Variants in PPFIBP1 observed in about 807,000 individuals in gnomAD.
PPFIBP1 encodes liprin-beta-1.
A neutral mutation model predicts 137.8 loss-of-function variants in PPFIBP1; 112 were observed. The observed-to-expected ratio is 0.81, with a 90% confidence interval of 0.70 to 0.95. The LOEUF is 0.95. Among genes scored for constraint, PPFIBP1 ranks in the 40% least tolerant of loss-of-function variants. The probability of loss-of-function intolerance (pLI) is 0.00; values close to 1 mark genes in which losing one functional copy is unlikely to be tolerated. For synonymous variants in PPFIBP1, 378 were observed against 417.3 expected (o/e 0.91, Z 1.15); for missense variants, 1,083 against 1,196.6 (o/e 0.91, Z 1.40).
intron 10 of PPFIBP1, among the ~76,000 whole-genome samples, chr12:27,660,140 C>T (rs1463550628): frequency 2.0e-5 from 3 of 152,154 alleles, no homozygotes; most frequent in Admixed American, 1.3e-4. Flanking sequence ...AGTCCTCCCA[C>T]CTTGGCCTCC....
intron 7 of PPFIBP1, among the ~76,000 whole-genome samples, chr12:27,653,586 TAAAAAAAAA>T (rs11306083): frequency 9.3e-6 from 1 of 107,602 alleles, no homozygotes; most frequent in Non-Finnish European, 1.8e-5. Context: ...GACTCCATCT[TAAAAAAAAA>T]AAAAAAAAAA....
chr12:27,627,294 GA>G (rs1168757548), intron 2 of PPFIBP1, among the ~76,000 whole-genome samples: 4 of 151,636 alleles, frequency 2.6e-5, no homozygotes, highest in South Asian at 2.1e-4. Context: ...CTTCTTGGCA[GA>G]AAAAAAATAA....
chr12:27,526,201 G>A (rs1478717387), intron 1 of PPFIBP1, among the ~76,000 whole-genome samples: 2 of 152,210 alleles, frequency 1.3e-5, no homozygotes, highest in Admixed American at 1.3e-4. Context: ...AAAAGATGGG[G>A]CTGCAAAAGC....
At chr12:27,567,688 G>A (rs1199457917) in intron 1 of PPFIBP1, among the ~76,000 whole-genome samples, 1 of 151,870 alleles carries the variant, frequency 6.6e-6, no homozygotes, top group African/African-American at 2.4e-5. Flanking sequence ...CATAATGAAA[G>A]TTTCAGGAAA....
At chr12:27,566,711 G>A (rs1271857289) in intron 1 of PPFIBP1, among the ~76,000 whole-genome samples, 2 of 152,138 alleles carry the variant, frequency 1.3e-5, no homozygotes, top group Non-Finnish European at 2.9e-5. Flanking sequence ...CAGTAAGTGG[G>A]AATTATGGAA....
intron 1 of PPFIBP1, among the ~76,000 whole-genome samples, chr12:27,559,183 T>C (rs2048956213): frequency 6.6e-6 from 1 of 151,920 alleles, no homozygotes; most frequent in Non-Finnish European, 1.5e-5. Context: ...TAGTGATTTT[T>C]TTTTTTTAGA....
At chr12:27,528,520 C>T (rs1376391453) in intron 1 of PPFIBP1, among the ~76,000 whole-genome samples, 4 of 152,130 alleles carry the variant, frequency 2.6e-5, no homozygotes, top group Non-Finnish European at 2.9e-5. Context: ...ATTGATGCTG[C>T]GTTAAATGGA....
chr12:27,527,834 C>G (rs1943950759), intron 1 of PPFIBP1, among the ~76,000 whole-genome samples: 1 of 151,902 alleles, frequency 6.6e-6, no homozygotes, highest in African/African-American at 2.4e-5. Flanking sequence ...ATAATCATAA[C>G]TATCATGATT....
chr12:27,673,091 C>T (rs978706191), intron 15 of PPFIBP1, among the ~76,000 whole-genome samples: 1 of 152,146 alleles, frequency 6.6e-6, no homozygotes, highest in Non-Finnish European at 1.5e-5. Context: ...TATTCTGTTT[C>T]GTAGAGGCAA....
At chr12:27,676,322 T>A (rs2060508441) in intron 17 of PPFIBP1, 106 bp from the exon 18 acceptor site, 6 of 872,322 alleles carry the variant, frequency 6.9e-6, no homozygotes. Flanking sequence ...GTTATTCTTT[T>A]GAATAAACTC....
intron 7 of PPFIBP1, among the ~76,000 whole-genome samples, chr12:27,651,092 A>G (rs1293357056): frequency 1.3e-5 from 2 of 152,164 alleles, no homozygotes; most frequent in South Asian, 2.1e-4. Flanking sequence ...GCATGATACC[A>G]GGCATTACAT....
intron 24 of PPFIBP1, among the ~76,000 whole-genome samples, chr12:27,686,556 TG>T (rs1462214966): frequency 6.6e-6 from 1 of 152,218 alleles, no homozygotes; most frequent in African/African-American, 2.4e-5. Context: ...TTGCACTGAT[TG>T]ATTATAGTTG....
intron 1 of PPFIBP1, chr12:27,548,010 T>C (rs1427309037): frequency 1.3e-5 from 2 of 152,172 alleles, no homozygotes; most frequent in Non-Finnish European, 2.9e-5. Flanking sequence ...TATGGAAAGT[T>C]AGAAAGTCTG....
chr12:27,524,447 C>T (rs559357217), intron 1 of PPFIBP1, 82 bp downstream of exon 1: 1 of 152,118 alleles, frequency 6.6e-6, no homozygotes, highest in South Asian at 2.1e-4. Flanking sequence ...AGCTGCTCCT[C>T]CTCTTCCCCG....
At chr12:27,635,181 A>G in intron 4 of PPFIBP1, 66 bp downstream of exon 4, 1 of 1,497,946 alleles carries the variant, frequency 6.7e-7, no homozygotes, top group Non-Finnish European at 9.3e-7. Context: ...TTTAGAACAT[A>G]GAATAGCTGA....
At chr12:27,571,091 T>A (rs1388155621) in intron 1 of PPFIBP1, among the ~76,000 whole-genome samples, 1 of 152,152 alleles carries the variant, frequency 6.6e-6, no homozygotes, top group Non-Finnish European at 1.5e-5. Flanking sequence ...TTTATGTGTG[T>A]GTATATTTAT....
intron 10 of PPFIBP1, among the ~76,000 whole-genome samples, chr12:27,659,093 C>T (rs1321409328): frequency 6.6e-6 from 1 of 152,198 alleles, no homozygotes; most frequent in African/African-American, 2.4e-5. Flanking sequence ...GGGCACACAG[C>T]ATTGTGGATG....
At chr12:27,556,425 A>G (rs1592436872) in intron 1 of PPFIBP1, among the ~76,000 whole-genome samples, 3 of 152,344 alleles carry the variant, frequency 2.0e-5, no homozygotes, top group Admixed American at 2.0e-4. Context: ...CTATCATGGT[A>G]ATACCCAGAA....
chr12:27,571,403 A>G (rs978241653), intron 1 of PPFIBP1, among the ~76,000 whole-genome samples: 29 of 152,190 alleles, frequency 1.9e-4, no homozygotes, highest in Admixed American at 3.3e-4. Context: ...TACCCACCGA[A>G]AAAGCATGTA....
Sources: gnomAD v4.1 joint callset for allele counts (sites outside exome capture counted in the v4.1 genomes callset) on GRCh38, gnomAD v4.1.1 for gene constraint, MANE v1.5 for transcripts, NCBI Gene and HGNC (gene_info 2026-07-23, HGNC 2026-07-21) for gene names.